AGPAT4: variants seen among roughly 807,000 people sequenced by gnomAD.
AGPAT4 encodes the protein 1-acyl-sn-glycerol-3-phosphate acyltransferase delta.
AGPAT4 carries 15 observed loss-of-function variants against 48.0 expected under a neutral mutation model. The ratio of observed to expected loss-of-function variants is 0.31; its 90% CI spans 0.21 to 0.48. AGPAT4 has a LOEUF of 0.48. AGPAT4 is among the 20% of genes least tolerant of loss of function. AGPAT4 has a pLI of 0.99. For missense variants in AGPAT4, 314 were observed against 482.5 expected (o/e 0.65, Z 3.27); for synonymous variants, 178 against 198.7 (o/e 0.90, Z 0.88).
Position 161,234,567 on chromosome 6 carries a change from A to T in AGPAT4, c.-89-2265T>A, listed in dbSNP as rs1203545242. Among the ~76,000 whole-genome samples the T allele has an allele frequency of 6.6e-6, 1 of 152,196 alleles. No homozygotes were observed. The highest frequency in any genetic ancestry group is 2.4e-5 in the African/African-American group (1 of 41,452). On this transcript the variant is annotated intron_variant, in intron 1 of 8. Coordinates refer to ENST00000320285, the MANE Select transcript of AGPAT4 (RefSeq NM_020133.3). The surrounding 1 kb of genome is among the most constrained non-coding windows in gnomAD (Gnocchi z 4.4). Reference sequence around the variant, plus strand: ...CAGTGCACTTGACTTTGGGAGCCACATAAATAGGAGGGGTTTACATGGGTT... The same window carrying T: ...CAGTGCACTTGACTTTGGGAGCCACTTAAATAGGAGGGGTTTACATGGGTT...
chr6:161,200,533 A>G lies in AGPAT4; in HGVS notation c.178+31503T>C, dbSNP rs73782812. Among the ~76,000 whole-genome samples the G allele has an allele frequency of 6.6e-6, 1 of 152,322 alleles. No homozygotes were observed. Among genetic ancestry groups the G allele is most frequent in the African/African-American group, 2.4e-5 (1 of 41,570 alleles). ...ATAGTTGGTCTGGACAAGGGGAAAA[A>G]CAGTGTGTGTGCTTGGGCATAACCA... On this transcript the variant is annotated intron_variant, in intron 2 of 8. Coordinates refer to ENST00000320285, the MANE Select transcript of AGPAT4 (RefSeq NM_020133.3). This position sits in a 1 kb window ranked among gnomAD's most constrained non-coding sequence, Gnocchi z 5.5.
At chr6:161,273,042 C>T (rs1458184912) in intron 1 of AGPAT4, among the ~76,000 whole-genome samples, 1 of 152,210 alleles carries the variant, frequency 6.6e-6, no homozygotes, top group Non-Finnish European at 1.5e-5. Flanking sequence ...GGCAATATCA[C>T]ATTTATCAGT....
rs1781971717 is a variant in AGPAT4, at chr6:161,226,021, C to T, written c.178+6015G>A. ...TGATCAGTTTTAGGATCATGTCCAC[C>T]TACAGCCGGTTACTGAACCCTCTTC... On this transcript the variant is annotated intron_variant, in intron 2 of 8. Coordinates refer to ENST00000320285, the MANE Select transcript of AGPAT4 (RefSeq NM_020133.3). This position sits in a 1 kb window ranked among gnomAD's most constrained non-coding sequence, Gnocchi z 6.3. Among the ~76,000 whole-genome samples, 1 of 152,136 alleles carries T rather than the reference C, an allele frequency of 6.6e-6. No individual in the cohort carries two copies. Among genetic ancestry groups the T allele is most frequent in the African/African-American group, 2.4e-5 (1 of 41,422 alleles).
intron 3 of AGPAT4, among the ~76,000 whole-genome samples, chr6:161,156,078 A>G (rs879763103): frequency 5.9e-5 from 9 of 152,236 alleles, no homozygotes; most frequent in Non-Finnish European, 7.3e-5. Flanking sequence ...GACAACTTTG[A>G]CAGTGATGCG....
At chr6:161,260,435 G>A (rs191742247) in intron 1 of AGPAT4, among the ~76,000 whole-genome samples, 153 of 151,976 alleles carry the variant, frequency 1.0e-3, no homozygotes, top group Middle Eastern at 3.4e-3. Flanking sequence ...TGAGGCAGGC[G>A]GATCACTTGA....
At chr6:161,260,156 C>T (rs528435317) in intron 1 of AGPAT4, among the ~76,000 whole-genome samples, 5 of 152,130 alleles carry the variant, frequency 3.3e-5, no homozygotes, top group Non-Finnish European at 5.9e-5. Flanking sequence ...TTACTCCCAC[C>T]GCACATGGGA....
intron 2 of AGPAT4, among the ~76,000 whole-genome samples, chr6:161,209,374 G>A (rs1781464944): frequency 6.6e-6 from 1 of 152,304 alleles, no homozygotes; most frequent in Admixed American, 6.5e-5. Flanking sequence ...TCCTCTATGA[G>A]GAAAGCCTTG....
chr6:161,159,786 G>A lies in AGPAT4; in HGVS notation c.349-5476C>T, dbSNP rs1029399959. Among the ~76,000 whole-genome samples the A allele has an allele frequency of 6.6e-6, 1 of 151,840 alleles. No individual in the cohort carries two copies. Among genetic ancestry groups the A allele is most frequent in the Admixed American group, 6.6e-5 (1 of 15,240 alleles). The stretch of plus-strand genomic sequence containing the variant: ...AGCCTCCGGAGTAGCTGGGATTACA[G>A]GCACCTGCCACCGTGCCTGGCTAAT... On this transcript the variant is annotated intron_variant, in intron 3 of 8. Coordinates refer to ENST00000320285, the MANE Select transcript of AGPAT4 (RefSeq NM_020133.3). This position sits in a 1 kb window ranked among gnomAD's most constrained non-coding sequence, Gnocchi z 4.1.
chr6:161,200,991 C>T lies in AGPAT4; in HGVS notation c.178+31045G>A, dbSNP rs12204872. On this transcript the variant is annotated intron_variant, in intron 2 of 8. Transcript: ENST00000320285. The surrounding 1 kb of genome is among the most constrained non-coding windows in gnomAD (Gnocchi z 5.5). ...CAGCCTGTGATCCTTTCCATCAGAGCAACAGGCAGAACGACAGCTTCCTGC... is the reference window on the plus strand; with the variant it reads ...CAGCCTGTGATCCTTTCCATCAGAGTAACAGGCAGAACGACAGCTTCCTGC... Among the ~76,000 whole-genome samples the T allele has an allele frequency of 0.1, 15,218 of 152,252 alleles. 797 individuals are homozygous for T. The highest frequency in any genetic ancestry group is 0.12 in the Non-Finnish European group (8,411 of 68,026).
rs538476582 is a variant in AGPAT4, at chr6:161,226,348, C to T, written c.178+5688G>A. 6.6e-5 allele frequency among the ~76,000 whole-genome samples: 10 copies of T among 152,302 alleles called. No individual in the cohort carries two copies. Among genetic ancestry groups the T allele is most frequent in the Non-Finnish European group, 1.5e-4 (10 of 68,012 alleles). ...TAGATTGAATTGAAATGAGAAAAAG[C>T]AGCCCTGTCATTAATCAGGCAGGGA... is the stretch of plus-strand genomic sequence containing the variant. On this transcript the variant is annotated intron_variant, in intron 2 of 8. Transcript: ENST00000320285. This position sits in a 1 kb window ranked among gnomAD's most constrained non-coding sequence, Gnocchi z 6.3.
intron 2 of AGPAT4, among the ~76,000 whole-genome samples, chr6:161,224,449 G>C (rs1393147067): frequency 6.6e-6 from 1 of 151,960 alleles, no homozygotes; most frequent in Non-Finnish European, 1.5e-5. Flanking sequence ...TTCAAGACCA[G>C]CCTGGGCAAC....
rs1472962346 is a variant in AGPAT4, at chr6:161,143,254, T to A, written c.843+3270A>T. On this transcript the variant is annotated intron_variant, in intron 7 of 8. Transcript: ENST00000320285. The surrounding 1 kb of genome is among the most constrained non-coding windows in gnomAD (Gnocchi z 4.7). ...GGTGCAGCTAGTTTGTAAAATTTTT[T>A]TGTAGAGACGGGTTCCCATTATGTT... Among the ~76,000 whole-genome samples the A allele has an allele frequency of 6.6e-6, 1 of 152,192 alleles. No homozygotes were observed. The highest frequency in any genetic ancestry group is 1.5e-5 in the Non-Finnish European group (1 of 68,036).
intron 1 of AGPAT4, among the ~76,000 whole-genome samples, chr6:161,263,933 G>T (rs1001654309): frequency 6.6e-6 from 1 of 152,158 alleles, no homozygotes; most frequent in East Asian, 1.9e-4. Context: ...AGTGTGCTCA[G>T]GCATTGCTAG....
rs558106369 is a variant in AGPAT4 at position 161,138,154 on chromosome 6, G to C, written c.1042+1268C>G. ...CAGCCTCAGCATGGCGGGGCATGGGGGTGCCCCTGGACCTGCCTTAAGGAG... is the reference window on the plus strand; with the variant it reads ...CAGCCTCAGCATGGCGGGGCATGGGCGTGCCCCTGGACCTGCCTTAAGGAG... On this transcript the variant is annotated intron_variant, in intron 8 of 8. Coordinates refer to ENST00000320285, the MANE Select transcript of AGPAT4 (RefSeq NM_020133.3). The surrounding 1 kb of genome is among the most constrained non-coding windows in gnomAD (Gnocchi z 4.8). Among the ~76,000 whole-genome samples the C allele has an allele frequency of 3.3e-5, 5 of 152,240 alleles. No homozygotes were observed. Among genetic ancestry groups the C allele is most frequent in the Non-Finnish European group, 5.9e-5 (4 of 68,044 alleles).
At position 161,229,656 on chromosome 6, in the gene AGPAT4, A is replaced by T. The variant is rs190596983; in HGVS notation, c.178+2380T>A. On this transcript the variant is annotated intron_variant, in intron 2 of 8. Coordinates refer to ENST00000320285, the MANE Select transcript of AGPAT4 (RefSeq NM_020133.3). This position sits in a 1 kb window ranked among gnomAD's most constrained non-coding sequence, Gnocchi z 6.0. ...TGGGGATAGTTTGCACTGGCTTATC[A>T]CCATGAGGTGCCCACGAGCCACCCA... is the stretch of plus-strand genomic sequence containing the variant. Among the ~76,000 whole-genome samples the T allele has an allele frequency of 6.6e-4, 101 of 152,226 alleles. No homozygotes were observed. Among genetic ancestry groups the T allele is most frequent in the African/African-American group, 2.3e-3 (94 of 41,526 alleles).
chr6:161,190,308 G>C (rs748863495), intron 2 of AGPAT4, among the ~76,000 whole-genome samples: 1 of 152,174 alleles, frequency 6.6e-6, no homozygotes, highest in African/African-American at 2.4e-5. Context: ...GCAAGTGAGA[G>C]AGAGAGAGAC....
intron 8 of AGPAT4, among the ~76,000 whole-genome samples, chr6:161,136,867 C>T (rs988713164): frequency 5.3e-5 from 8 of 152,200 alleles, no homozygotes; most frequent in Non-Finnish European, 1.0e-4. Context: ...CCTCCTTGGA[C>T]CCTGAAGGTG....
intron 1 of AGPAT4, among the ~76,000 whole-genome samples, chr6:161,256,568 C>T (rs1782948917): frequency 6.6e-6 from 1 of 152,198 alleles, no homozygotes. Flanking sequence ...ACATGACACT[C>T]GTGCTATGAA....
intron 1 of AGPAT4, among the ~76,000 whole-genome samples, chr6:161,257,967 G>A (rs941477266): frequency 1.3e-5 from 2 of 152,160 alleles, no homozygotes; most frequent in East Asian, 3.9e-4. Context: ...CGGTACCAAT[G>A]AAATAAGTGA....
Sources: allele counts gnomAD v4.1 joint callset (sites outside exome capture counted in the v4.1 genomes callset), GRCh38; gene constraint gnomAD v4.1.1; non-coding constraint Gnocchi (gnomAD v3.1); transcripts MANE v1.5; gene names NCBI Gene and HGNC (gene_info 2026-07-23, HGNC 2026-07-21).